EPB41L3: variants seen among roughly 807,000 people sequenced by gnomAD.
The protein encoded by EPB41L3 is erythrocyte membrane protein band 4.1 like 3, also known as band 4.1-like protein 3.
A neutral mutation model predicts 127.1 loss-of-function variants in EPB41L3; 57 were observed. The ratio of observed to expected loss-of-function variants is 0.45; its 90% confidence interval spans 0.36 to 0.56. The LOEUF (loss-of-function observed/expected upper bound fraction) is 0.56. Among genes scored for constraint, EPB41L3 ranks in the 20% least tolerant of loss-of-function variants. The probability of loss-of-function intolerance (pLI) is 0.00; values close to 1 mark genes in which losing one functional copy is unlikely to be tolerated. For synonymous variants in EPB41L3, 572 were observed against 549.5 expected (o/e 1.04, Z -0.57); for missense variants, 1,273 against 1,372.2 (o/e 0.93, Z 1.14).
In EPB41L3 at chr18:5,398,055, C is replaced by T; in HGVS notation, c.2438G>A (p.Gly813Glu). The change falls in exon 17 of 23, where the codon GGA becomes GAA. Residue 813 changes from glycine to glutamate, a missense_variant. Gly to Glu is a moderately conservative substitution (Grantham distance 98). This residue lies in a region of EPB41L3 where 765 missense variants were observed against 782.9 expected (regional missense o/e 0.98). Transcript: ENST00000341928. ...ESARKPTEFI[G>E]GVTSTSQSWV... is the part of the protein sequence containing the mutation. Reference sequence around the variant, plus strand: ...GCTTTGAGAAGTAGAAGTAACCCCTCCTATGAATTCTGTTGGTTTTCGCGC... The same window carrying T: ...GCTTTGAGAAGTAGAAGTAACCCCTTCTATGAATTCTGTTGGTTTTCGCGC... The T allele has an allele frequency of 6.2e-7, 1 of 1,614,136 alleles. No homozygotes were observed. Among genetic ancestry groups the T allele is most frequent in the Non-Finnish European group, 8.5e-7 (1 of 1,180,022 alleles).
intron 3 of EPB41L3, among the ~76,000 whole-genome samples, chr18:5,574,262 G>C (rs552874095): frequency 6.3e-4 from 95 of 151,820 alleles, no homozygotes; most frequent in African/African-American, 2.3e-3. Flanking sequence ...TTTAGAAATG[G>C]GGTCTTGCTA....
At chr18:5,536,462 G>A (rs114147842) in intron 1 of EPB41L3, among the ~76,000 whole-genome samples, 184 of 150,526 alleles carry the variant, frequency 1.2e-3, no homozygotes, top group African/African-American at 4.3e-3. Flanking sequence ...GTATAGATTT[G>A]CATGCATGAA....
intron 3 of EPB41L3, among the ~76,000 whole-genome samples, chr18:5,588,785 G>T (rs1350434994): frequency 6.6e-6 from 1 of 152,004 alleles, no homozygotes; most frequent in Non-Finnish European, 1.5e-5. Context: ...ACAGTTTCCT[G>T]TTTGTCTAGG....
chr18:5,579,807 C>T (rs1040656886), intron 3 of EPB41L3, among the ~76,000 whole-genome samples: 7 of 152,220 alleles, frequency 4.6e-5, no homozygotes, highest in African/African-American at 1.7e-4. Flanking sequence ...CTACCACATA[C>T]TGTAACCAAT....
At chr18:5,455,062 G>A (rs1005631602) in intron 3 of EPB41L3, among the ~76,000 whole-genome samples, 1 of 152,136 alleles carries the variant, frequency 6.6e-6, no homozygotes, top group Non-Finnish European at 1.5e-5. Flanking sequence ...AAATAATACT[G>A]GTACTTATGC....
intron 16 of EPB41L3, among the ~76,000 whole-genome samples, chr18:5,404,863 A>G (rs1435016158): frequency 1.3e-5 from 2 of 152,222 alleles, no homozygotes; most frequent in Admixed American, 1.3e-4. Flanking sequence ...GGTAGTAGAA[A>G]TAGGATAAGC....
At chr18:5,586,108 C>CA (rs1158255467) in intron 3 of EPB41L3, among the ~76,000 whole-genome samples, 1 of 152,124 alleles carries the variant, frequency 6.6e-6, no homozygotes, top group African/African-American at 2.4e-5. Context: ...TTCCATTCTC[C>CA]AAAACTCACA....
intron 3 of EPB41L3, among the ~76,000 whole-genome samples, chr18:5,603,733 T>C (rs1028055260): frequency 6.6e-6 from 1 of 151,868 alleles, no homozygotes; most frequent in African/African-American, 2.4e-5. Flanking sequence ...AAGGAAAAAA[T>C]AGCCTGGCAT....
intron 9 of EPB41L3, among the ~76,000 whole-genome samples, chr18:5,425,044 A>G (rs2077976183): frequency 6.6e-6 from 1 of 152,208 alleles, no homozygotes; most frequent in Non-Finnish European, 1.5e-5. Flanking sequence ...CATTTCCTGC[A>G]TAATATACTT....
intron 3 of EPB41L3, among the ~76,000 whole-genome samples, chr18:5,582,374 T>TG (rs2094401662): frequency 6.6e-6 from 1 of 151,868 alleles, no homozygotes; most frequent in African/African-American, 2.4e-5. Context: ...GAAGATGGGG[T>TG]GGGGGGAGGA....
At chr18:5,477,907 A>T (rs1465081325) in intron 3 of EPB41L3, among the ~76,000 whole-genome samples, 1 of 152,198 alleles carries the variant, frequency 6.6e-6, no homozygotes, top group Non-Finnish European at 1.5e-5. Context: ...GCAAAAAAGG[A>T]TAAAATTCAT....
At chr18:5,434,623 C>T (rs1018722009) in intron 6 of EPB41L3, among the ~76,000 whole-genome samples, 23 of 152,160 alleles carry the variant, frequency 1.5e-4, no homozygotes, top group African/African-American at 5.1e-4. Flanking sequence ...TGCTTAGTGA[C>T]GTCATAGCTA....
At chr18:5,557,286 A>G (rs1683128652) in intron 3 of EPB41L3, among the ~76,000 whole-genome samples, 1 of 152,218 alleles carries the variant, frequency 6.6e-6, no homozygotes, top group Admixed American at 6.5e-5. Context: ...ATAAAAATAG[A>G]TATCGACATG....
At position 5,392,710 on chromosome 18, in the gene EPB41L3, A is replaced by G. The variant is rs563668426; in HGVS notation, c.*775T>C. On this transcript the variant is annotated 3_prime_UTR_variant, in exon 23 of 23. Coordinates refer to ENST00000341928, the MANE Select transcript of EPB41L3 (RefSeq NM_012307.5). The stretch of plus-strand genomic sequence containing the variant: ...GCAGTTTCTCCTGAAGTGAAATTTC[A>G]TAATATTGTAAACTAACAAAAATAC... 2.1e-3 allele frequency: 318 copies of G among 152,682 alleles called. No homozygotes were observed. Among genetic ancestry groups the G allele is most frequent in the African/African-American group, 7.4e-3 (309 of 41,586 alleles). The allele number at this position is 152,682 out of a possible 1,614,324, so 9.5% of individuals were successfully genotyped here.
At chr18:5,431,113 T>C (rs1339561343) in intron 8 of EPB41L3, 1 of 152,162 alleles carries the variant, frequency 6.6e-6, no homozygotes, top group Non-Finnish European at 1.5e-5. Context: ...AATAAATGAC[T>C]CTGACAAAGC....
In EPB41L3 at chr18:5,519,735, C is replaced by T. The variant is rs77029308; in HGVS notation, c.-12+24178G>A. ...GCTACATAATCACTGATCCACCCAG[C>T]GTGCAGGACAGTCTTTGTTTTTCCT... On this transcript the variant is annotated intron_variant, in intron 1 of 22. Transcript: ENST00000341928. Among the ~76,000 whole-genome samples the T allele has an allele frequency of 1.1e-3, 164 of 152,318 alleles. 1 individual carries two copies. Among genetic ancestry groups the T allele is most frequent in the African/African-American group, 3.8e-3 (156 of 41,574 alleles).
At chr18:5,402,879 A>G (rs1439726217) in intron 16 of EPB41L3, among the ~76,000 whole-genome samples, 1 of 152,192 alleles carries the variant, frequency 6.6e-6, no homozygotes, top group East Asian at 1.9e-4. Context: ...AATTTAGGGA[A>G]TGGGTAAATT....
intron 3 of EPB41L3, among the ~76,000 whole-genome samples, chr18:5,573,915 T>A (rs2094309754): frequency 1.5e-5 from 2 of 135,550 alleles, no homozygotes; most frequent in African/African-American, 6.5e-5. Context: ...ATATATACCT[T>A]TTTTTTTTTT....
intron 3 of EPB41L3, among the ~76,000 whole-genome samples, chr18:5,606,882 TTCTCTCTCTCTCTCTC>T: frequency 7.1e-6 from 1 of 141,628 alleles, no homozygotes; most frequent in Non-Finnish European, 1.5e-5. Flanking sequence ...CATGGCGTCA[TTCTCTCTCTCTCTCTC>T]TCTCTCTCTC....
Sources: gnomAD v4.1 joint callset for allele counts (sites outside exome capture counted in the v4.1 genomes callset) on GRCh38, gnomAD v4.1.1 for gene constraint, gnomAD v4.1.1 regional missense constraint, MANE v1.5 for transcripts, NCBI Gene and HGNC (gene_info 2026-07-23, HGNC 2026-07-21) for gene names.